Variants in SPATA1 observed in about 807,000 individuals in gnomAD.
SPATA1 encodes spermatogenesis-associated protein 1.
SPATA1 carries 57 observed loss-of-function variants against 59.6 expected under a neutral mutation model. That is an observed-to-expected ratio of 0.96 (90% CI 0.77 to 1.19). The LOEUF is 1.19. Ranked by LOEUF, SPATA1 falls within the 50% of genes most tolerant of loss-of-function variation. SPATA1 has a pLI of 0.00. For synonymous variants in SPATA1, 147 were observed against 163.9 expected (o/e 0.90, Z 0.79); for missense variants, 448 against 480.7 (o/e 0.93, Z 0.64).
At chr1:84,512,213 T>A (rs1374278564) in intron 1 of SPATA1, among the ~76,000 whole-genome samples, 2 of 152,270 alleles carry the variant, frequency 1.3e-5, no homozygotes, top group Non-Finnish European at 2.9e-5. Flanking sequence ...CTGATTTTTT[T>A]ATTCCAGAAT....
intron 3 of SPATA1, among the ~76,000 whole-genome samples, chr1:84,521,887 A>C (rs1683041550): frequency 6.6e-6 from 1 of 152,216 alleles, no homozygotes; most frequent in Non-Finnish European, 1.5e-5. Flanking sequence ...AAGAACTCAG[A>C]TGATAGCGTA....
chr1:84,517,157 A>C (rs1682830025), intron 2 of SPATA1, among the ~76,000 whole-genome samples: 1 of 152,130 alleles, frequency 6.6e-6, no homozygotes, highest in African/African-American at 2.4e-5. Context: ...ACCATTAATC[A>C]CTTTCTCTTC....
At chr1:84,511,004 C>T (rs112447924) in intron 1 of SPATA1, among the ~76,000 whole-genome samples, 2,988 of 152,042 alleles carry the variant, frequency 0.02, 96 homozygotes, top group African/African-American at 0.063. Flanking sequence ...TTACCAGAGG[C>T]TGGGAAGGGT....
At chr1:84,510,266 A>G (rs1417866760) in intron 1 of SPATA1, among the ~76,000 whole-genome samples, 1 of 152,236 alleles carries the variant, frequency 6.6e-6, no homozygotes, top group Non-Finnish European at 1.5e-5. Flanking sequence ...TCCATCTGAT[A>G]AAGGATTTAT....
chr1:84,533,722 GA>G lies in SPATA1; in HGVS notation c.677del (p.Asn226MetfsTer39). 6.4e-7 allele frequency: 1 copy of G among 1,564,894 alleles called. No homozygotes were observed. The highest frequency in any genetic ancestry group is 8.7e-7 in the Non-Finnish European group (1 of 1,153,188). ...ATTTCCTTTAAGTCAGTGTCTTTGG[GA>G]AAATGAAGATGATACAGCTATCAGT... On this transcript the variant is annotated frameshift_variant, in exon 8 of 13. Coordinates refer to ENST00000490879, the Ensembl canonical transcript of SPATA1. LOFTEE classifies it high-confidence loss of function.
chr1:84,563,917 GT>G, intron 4 of SPATA1: 1 of 1,403,000 alleles, frequency 7.1e-7, no homozygotes, highest in Non-Finnish European at 9.3e-7. Context: ...TTCAGAATCT[GT>G]TTGTAAAAAC....
At chr1:84,542,646 AC>A (rs887177177) in intron 8 of SPATA1, among the ~76,000 whole-genome samples, 1 of 151,062 alleles carries the variant, frequency 6.6e-6, no homozygotes, top group Middle Eastern at 3.2e-3. Context: ...TCCTGACCAC[AC>A]TCTGATCTAG....
At chr1:84,550,916 T>C in intron 12 of SPATA1, 3 of 978,164 alleles carry the variant, frequency 3.1e-6, no homozygotes, top group Non-Finnish European at 3.6e-6. Context: ...GTTTCATTTT[T>C]TCTGGTTATT....
chr1:84,566,591 A>G (rs954286203), downstream of SPATA1, among the ~76,000 whole-genome samples: 3 of 152,174 alleles, frequency 2.0e-5, no homozygotes, highest in Non-Finnish European at 4.4e-5. Flanking sequence ...AATCATTTAA[A>G]TGATCTTATT....
intron 4 of SPATA1, among the ~76,000 whole-genome samples, chr1:84,564,378 C>G (rs2102026023): frequency 6.6e-6 from 1 of 152,236 alleles, no homozygotes; most frequent in East Asian, 1.9e-4. Context: ...CCCAATGCTG[C>G]AAAACATGTT....
rs547069684 is a variant in SPATA1, at chr1:84,509,208, T to TAAAAAAA, written c.-138+2798_-138+2804dup. Among the ~76,000 whole-genome samples the TAAAAAAA allele has an allele frequency of 3.0e-5, 4 of 134,468 alleles. No individual in the cohort carries two copies. The South Asian group carries it at 7.1e-4, about 24-fold the overall frequency. The allele number at this position is 134,468 out of a possible 152,430, so 88.2% of individuals were successfully genotyped here. A position where few individuals can be genotyped will look rare whatever the true frequency, so the allele number is the denominator to read the frequency against. ...TAACCAAAACAGCATGGTACTGGCATAAAAAAAAAAAAAACATAGACCAGT... is the reference window on the plus strand; with the variant it reads ...TAACCAAAACAGCATGGTACTGGCATAAAAAAAAAAAAAAAAAAAAACATAGACCAGT... On this transcript the variant is annotated intron_variant, in intron 1 of 12. Coordinates refer to ENST00000490879, the Ensembl canonical transcript of SPATA1.
intron 4 of SPATA1, among the ~76,000 whole-genome samples, chr1:84,565,467 C>CA (rs1178652113): frequency 1.3e-5 from 2 of 152,110 alleles, no homozygotes; most frequent in Admixed American, 1.3e-4. Context: ...GTTATTTCAA[C>CA]AAAAATATCC....
intron 12 of SPATA1, chr1:84,552,833 T>C: frequency 4.2e-6 from 2 of 478,468 alleles, no homozygotes; most frequent in South Asian, 5.6e-5. Flanking sequence ...ATAGCATATC[T>C]CACCAGTAGA....
At chr1:84,544,789 G>A (rs1252828730) in intron 9 of SPATA1, among the ~76,000 whole-genome samples, 1 of 151,664 alleles carries the variant, frequency 6.6e-6, no homozygotes, top group African/African-American at 2.4e-5. Flanking sequence ...TCAAACTCCT[G>A]GCCTCAAGTG....
intron 1 of SPATA1, among the ~76,000 whole-genome samples, chr1:84,507,530 A>G (rs1287341455): frequency 6.6e-6 from 1 of 152,258 alleles, no homozygotes; most frequent in South Asian, 2.1e-4. Context: ...TCGGAATGAA[A>G]TGACATTATA....
At chr1:84,525,659 CA>C in intron 4 of SPATA1, 36 bp from the exon 5 acceptor site, 1 of 1,530,986 alleles carries the variant, frequency 6.5e-7, no homozygotes, top group African/African-American at 1.4e-5. Flanking sequence ...AAAAATGTAG[CA>C]AAAGCTTTAA....
intron 10 of SPATA1, among the ~76,000 whole-genome samples, chr1:84,546,019 C>T (rs941048501): frequency 9.9e-5 from 15 of 152,226 alleles, no homozygotes; most frequent in African/African-American, 3.4e-4. Flanking sequence ...TTTATTAATT[C>T]TTCTATTCAT....
At chr1:84,565,816 T>C in intron 4 of SPATA1, 45 bp from the exon 14 acceptor site, 1 of 1,285,172 alleles carries the variant, frequency 7.8e-7, no homozygotes, top group Non-Finnish European at 1.0e-6. Context: ...ATATTATTAA[T>C]AAATGACCAT....
intron 8 of SPATA1, among the ~76,000 whole-genome samples, chr1:84,540,898 G>C (rs7529017): frequency 0.99 from 150,479 of 152,366 alleles, 74,336 homozygotes; most frequent in East Asian, 1. Flanking sequence ...ATGTGGCCCA[G>C]ACATATTTAT....
Sources: allele counts gnomAD v4.1 joint callset (sites outside exome capture counted in the v4.1 genomes callset), GRCh38; gene constraint gnomAD v4.1.1; transcripts MANE v1.5; gene names NCBI Gene and HGNC (gene_info 2026-07-23, HGNC 2026-07-21).